Variants in IMPG1 observed in about 807,000 individuals in gnomAD.
IMPG1 encodes the protein interphotoreceptor matrix proteoglycan 1.
Under a neutral mutation model 92.0 loss-of-function variants are expected in IMPG1, and 85 were observed. The ratio of observed to expected loss-of-function variants is 0.92; its 90% CI spans 0.78 to 1.11. The LOEUF (loss-of-function observed/expected upper bound fraction) is 1.11. Among genes scored for constraint, IMPG1 ranks in the 50% least tolerant of loss-of-function variants. The pLI is 0.00. For missense variants in IMPG1, 1,022 were observed against 956.0 expected, an observed-to-expected ratio of 1.07 and a Z score of -0.91; for synonymous variants, 367 against 334.1, an observed-to-expected ratio of 1.10 and a Z score of -1.08.
intron 12 of IMPG1, among the ~76,000 whole-genome samples, chr6:75,990,588 T>TACACAC (rs112985372): frequency 0.027 from 3,963 of 144,888 alleles, 116 homozygotes; most frequent in East Asian, 0.094. Context: ...ACCCCACCTC[T>TACACAC]ACACACACAC....
At chr6:75,973,295 C>CT (rs1348009914) in intron 12 of IMPG1, among the ~76,000 whole-genome samples, 1 of 151,970 alleles carries the variant, frequency 6.6e-6, no homozygotes, top group African/African-American at 2.4e-5. Context: ...CCTACTTTCC[C>CT]CCCCGCCCAA....
At chr6:76,040,786 CA>C (rs1783822301) in intron 2 of IMPG1, among the ~76,000 whole-genome samples, 1 of 152,128 alleles carries the variant, frequency 6.6e-6, no homozygotes, top group Non-Finnish European at 1.5e-5. Context: ...ATTATGCTTC[CA>C]AAACCCAATA....
intron 12 of IMPG1, among the ~76,000 whole-genome samples, chr6:75,953,544 A>T: frequency 6.6e-6 from 1 of 151,820 alleles, no homozygotes; most frequent in East Asian, 1.9e-4. Flanking sequence ...GCTGAGAATG[A>T]TGGCTTCCAG....
chr6:75,924,629 T>C (rs1410312261), intron 15 of IMPG1, among the ~76,000 whole-genome samples: 1 of 22,290 alleles, frequency 4.5e-5, no homozygotes, highest in African/African-American at 2.1e-4. Flanking sequence ...TATAATAAAT[T>C]ATATATTATA....
chr6:76,002,778 T>C (rs1201311949), intron 12 of IMPG1, 140 bp downstream of exon 12: 2 of 663,648 alleles, frequency 3.0e-6, no homozygotes, highest in African/African-American at 3.6e-5. Context: ...TGGACTGCTT[T>C]TCTGTTGGAA....
intron 7 of IMPG1, among the ~76,000 whole-genome samples, chr6:76,018,241 A>C (rs181221029): frequency 6.6e-6 from 1 of 152,322 alleles, no homozygotes; most frequent in African/African-American, 2.4e-5. Context: ...AAGGATTTAC[A>C]ACAATAACTA....
chr6:76,019,086 A>C lies in IMPG1; in HGVS notation c.667-228T>G, dbSNP rs372551898. ...ACTAGTTAGAAAATACTATCAAGCC[A>C]AGAGAAAGTTTGAAATTTCTCTCAG... On this transcript the variant is annotated intron_variant, in intron 6 of 16. Coordinates refer to ENST00000369950, the MANE Select transcript of IMPG1 (RefSeq NM_001563.4). 3.3e-5 allele frequency among the ~76,000 whole-genome samples: 5 copies of C among 152,304 alleles called. No individual in the cohort carries two copies. In the East Asian group the frequency reaches 5.8e-4, roughly 18 times the overall value.
At chr6:75,954,897 A>G (rs1782092544) in intron 12 of IMPG1, among the ~76,000 whole-genome samples, 1 of 152,162 alleles carries the variant, frequency 6.6e-6, no homozygotes, top group South Asian at 2.1e-4. Context: ...TGCTTTTGTC[A>G]AGTTTGTCAA....
At chr6:76,026,513 C>T (rs759821058) in intron 4 of IMPG1, among the ~76,000 whole-genome samples, 3 of 152,194 alleles carry the variant, frequency 2.0e-5, no homozygotes, top group Admixed American at 6.5e-5. Flanking sequence ...GCTGCTCTCC[C>T]CTCCCTGCTG....
chr6:75,974,451 T>TCCTTCCTC (rs1224036118), intron 12 of IMPG1, among the ~76,000 whole-genome samples: 29 of 133,146 alleles, frequency 2.2e-4, no homozygotes, highest in East Asian at 4.5e-4. Context: ...CTTCCTTCCT[T>TCCTTCCTC]CTTTCTTCTT....
chr6:76,018,769 A>G lies in IMPG1; in HGVS notation c.756T>C (p.Ala252=). The G allele has an allele frequency of 1.2e-6, 2 of 1,613,642 alleles. No homozygotes were observed. The highest frequency in any genetic ancestry group is 1.7e-6 in the Non-Finnish European group (2 of 1,179,798). The part of the protein sequence containing the change: ...LVNQKFKAEL[A]DSQSPYYQEL... ...CCTGGTAATATGGGGACTGGGAGTC[A>G]GCGAGCTCTGCCTTGAACTTCTGGT... The change falls in exon 7 of 17, where the codon GCT becomes GCC. Residue 252 remains alanine, a synonymous_variant. Coordinates refer to ENST00000369950, the MANE Select transcript of IMPG1 (RefSeq NM_001563.4).
At chr6:75,986,824 A>C (rs1333308669) in intron 12 of IMPG1, among the ~76,000 whole-genome samples, 3 of 152,004 alleles carry the variant, frequency 2.0e-5, no homozygotes, top group Non-Finnish European at 2.9e-5. Context: ...CAAACTTAAA[A>C]GCAAAAAGAA....
chr6:75,959,891 G>A (rs890603131), intron 12 of IMPG1, among the ~76,000 whole-genome samples: 30 of 152,086 alleles, frequency 2.0e-4, no homozygotes, highest in Non-Finnish European at 4.0e-4. Context: ...TCTCGCTGGC[G>A]TTCCAGGCAA....
rs530827945 is a variant in IMPG1, at chr6:76,018,064, A to C, written c.807+654T>G. 5.3e-5 allele frequency among the ~76,000 whole-genome samples: 8 copies of C among 152,310 alleles called. No homozygotes were observed. The East Asian group carries it at 1.5e-3, about 29-fold the overall frequency. ...GGCAAAACCTACTAATTTTTGAAGA[A>C]AGATAAATGTAAACACAGTGGTCCC... On this transcript the variant is annotated intron_variant, in intron 7 of 16. Coordinates refer to ENST00000369950, the MANE Select transcript of IMPG1 (RefSeq NM_001563.4).
At chr6:76,012,107 T>C (rs2149480146) in intron 7 of IMPG1, among the ~76,000 whole-genome samples, 1 of 152,294 alleles carries the variant, frequency 6.6e-6, no homozygotes, top group African/African-American at 2.4e-5. Context: ...TAGAAATAGA[T>C]TCTAATCTAA....
At chr6:76,021,186 G>A (rs1001536343) in intron 6 of IMPG1, among the ~76,000 whole-genome samples, 9 of 152,116 alleles carry the variant, frequency 5.9e-5, no homozygotes, top group African/African-American at 2.2e-4. Context: ...ATTGATCCCA[G>A]GTCTTTAGAC....
intron 12 of IMPG1, among the ~76,000 whole-genome samples, chr6:75,975,964 A>G (rs936629251): frequency 6.6e-6 from 1 of 152,094 alleles, no homozygotes; most frequent in African/African-American, 2.4e-5. Context: ...ATTTTTTGGA[A>G]CCACTGAGAA....
In IMPG1 at chr6:76,007,511, T is replaced by G. The variant is rs1388605677; in HGVS notation, c.867-11A>C. 2 of 1,590,452 alleles carry G rather than the reference T, an allele frequency of 1.3e-6. No homozygotes were observed. Among genetic ancestry groups the G allele is most frequent in the African/African-American group, 2.7e-5 (2 of 74,204 alleles). On this transcript the variant is annotated splice_polypyrimidine_tract_variant and intron_variant, in intron 8 of 16. Transcript: ENST00000369950. ...TTTTCTTTCTTTGGTCTTCATTTCA[T>G]CATGCACAATGGAAACATGAAAAAG...
chr6:76,066,876 C>A (rs1784318951), intron 1 of IMPG1, among the ~76,000 whole-genome samples: 1 of 151,874 alleles, frequency 6.6e-6, no homozygotes, highest in African/African-American at 2.4e-5. Flanking sequence ...TGGAATAAAA[C>A]TAGAAATCAA....
Sources: gnomAD v4.1 joint callset for allele counts (sites outside exome capture counted in the v4.1 genomes callset) on GRCh38, gnomAD v4.1.1 for gene constraint, MANE v1.5 for transcripts, NCBI Gene and HGNC (gene_info 2026-07-23, HGNC 2026-07-21) for gene names.